Variants in ATG4D observed in about 807,000 individuals in gnomAD.
ATG4D encodes the protein cysteine protease ATG4D.
In ATG4D, 51 loss-of-function variants were observed where a neutral mutation model predicts 55.2. The observed-to-expected ratio is 0.92, with a 90% CI of 0.74 to 1.17. The LOEUF is 1.17. Among genes scored for constraint, ATG4D ranks in the 50% most tolerant of loss-of-function variants. The pLI, the probability that ATG4D is intolerant of heterozygous loss-of-function variation, is 0.00. For synonymous variants in ATG4D, 268 were observed against 266.2 expected, an observed-to-expected ratio of 1.01 and a Z score of -0.07; for missense variants, 635 against 649.6, an observed-to-expected ratio of 0.98 and a Z score of 0.25.
Position 10,547,086 on chromosome 19 carries a change from T to C in ATG4D, c.741T>C (p.Tyr247=). The change falls in exon 4 of 10, where the codon TAT becomes TAC. Residue 247 remains tyrosine (Y), a synonymous_variant. Transcript: ENST00000309469. ...CAGGCAAGAAGGCAGGTGACTGGTA[T>C]GGGCCATCGCTAGTGGCACACATCC... ...QSSGKKAGDW[Y]GPSLVAHILR... 1 of 1,599,244 alleles carries C rather than the reference T, an allele frequency of 6.3e-7. No individual in the cohort carries two copies. The highest frequency in any genetic ancestry group is 8.5e-7 in the Non-Finnish European group (1 of 1,174,028).
At chr19:10,549,184 C>T (rs986480904) in intron 6 of ATG4D, 150 bp downstream of exon 6, 5 of 1,128,026 alleles carry the variant, frequency 4.4e-6, no homozygotes, top group South Asian at 3.4e-5. Flanking sequence ...AGGTCAATAA[C>T]GTGATCTCGG....
chr19:10,553,174 A>G lies in ATG4D; in HGVS notation c.*107A>G. The G allele has an allele frequency of 7.4e-7, 1 of 1,343,120 alleles. No individual in the cohort carries two copies. The highest frequency in any genetic ancestry group is 9.9e-7 in the Non-Finnish European group (1 of 1,006,810). 83.2% of individuals were successfully genotyped at this position (1,343,120 alleles called of 1,614,324 possible). On this transcript the variant is annotated 3_prime_UTR_variant, in exon 10 of 10. Transcript: ENST00000309469. ...AGTGATGATGGTACTTCCTGTTGTC[A>G]GCCCCTCAAGCCCAGCTGCAACCAG...
intron 9 of ATG4D, 122 bp downstream of exon 9, chr19:10,552,446 A>G: frequency 2.3e-6 from 3 of 1,300,722 alleles, no homozygotes; most frequent in Non-Finnish European, 1.0e-6. Flanking sequence ...AGGGGTCCTA[A>G]CCTGGGAAAT....
At chr19:10,551,833 A>C in intron 6 of ATG4D, 64 bp from the exon 7 acceptor site, 2 of 1,500,416 alleles carry the variant, frequency 1.3e-6, no homozygotes, top group Non-Finnish European at 9.2e-7. Context: ...CTCACAGAGG[A>C]GGTGTTTGCC....
intron 5 of ATG4D, among the ~76,000 whole-genome samples, chr19:10,547,671 G>A (rs563302932): frequency 3.6e-5 from 5 of 138,682 alleles, no homozygotes; most frequent in African/African-American, 7.8e-5. Context: ...AGTGGCTCAC[G>A]CCTGTAATCC....
rs1291186575 is a variant in ATG4D at position 10,553,113 on chromosome 19, TTA to T, written c.*48_*49del. 4 of 1,528,342 alleles carry T rather than the reference TTA, an allele frequency of 2.6e-6. No homozygotes were observed. The highest frequency in any genetic ancestry group is 4.6e-5 in the East Asian group (2 of 43,072). 94.7% of individuals were successfully genotyped at this position (1,528,342 alleles called of 1,614,324 possible). A position where few individuals can be genotyped will look rare whatever the true frequency, so the allele number is the denominator to read the frequency against. ...GATACAACACTATTTATTTTTTTAT[TTA>T]TGTCATGTCGGGTGTGGGATCTTGA... On this transcript the variant is annotated 3_prime_UTR_variant, in exon 10 of 10. Transcript: ENST00000309469.
chr19:10,547,273 G>T lies in ATG4D; in HGVS notation c.835+20G>T. On this transcript the variant is annotated intron_variant, in intron 5 of 9. Coordinates refer to ENST00000309469, the MANE Select transcript of ATG4D (RefSeq NM_032885.6). ...GCACAGGTAAGGGGCTGGGAGCCAA[G>T]ATCACAGGGGCCCCACCCTGAGCCA... The T allele has an allele frequency of 6.2e-7, 1 of 1,608,846 alleles. No individual in the cohort carries two copies. Among genetic ancestry groups the T allele is most frequent in the Non-Finnish European group, 8.5e-7 (1 of 1,176,290 alleles).
chr19:10,550,379 C>T (rs1916182545), intron 6 of ATG4D, among the ~76,000 whole-genome samples: 2 of 152,152 alleles, frequency 1.3e-5, no homozygotes, highest in Non-Finnish European at 2.9e-5. Flanking sequence ...TAGAAAAGCG[C>T]CTCTGCAGCC....
chr19:10,545,735 G>A (rs928040783), intron 3 of ATG4D, among the ~76,000 whole-genome samples: 2 of 151,902 alleles, frequency 1.3e-5, no homozygotes, highest in African/African-American at 4.8e-5. Flanking sequence ...AATTAGCTGG[G>A]TGTGGTGGCA....
chr19:10,543,936 T>G lies in ATG4D; in HGVS notation c.-155T>G. The G allele has an allele frequency of 2.3e-6, 1 of 435,430 alleles. No individual in the cohort carries two copies. The highest frequency in any genetic ancestry group is 3.8e-6 in the Non-Finnish European group (1 of 265,888). 27.0% of individuals were successfully genotyped at this position (435,430 alleles called of 1,614,324 possible). ...CCCGCTAAGATGGCGATGGCTGCGG[T>G]AGCAGCGGCGGCGGCTGTTGCCTGG... On this transcript the variant is annotated 5_prime_UTR_variant, in exon 1 of 10. Transcript: ENST00000309469.
chr19:10,545,076 C>A lies in ATG4D; in HGVS notation c.439C>A (p.Arg147Ser). The change falls in exon 3 of 10, where the codon CGC becomes AGC. Residue 147 changes from arginine to serine, a missense_variant. Arg to Ser is a moderately radical substitution (Grantham distance 110). Coordinates refer to ENST00000309469, the MANE Select transcript of ATG4D (RefSeq NM_032885.6). Reference sequence around the variant, plus strand: ...GGACTGTGGCTGGGGGTGCATGTTACGCAGCGGCCAGATGATGCTGGCACA... The same window carrying A: ...GGACTGTGGCTGGGGGTGCATGTTAAGCAGCGGCCAGATGATGCTGGCACA... ...TSDCGWGCML[R>S]SGQMMLAQGL... 2 of 1,612,974 alleles carry A rather than the reference C, an allele frequency of 1.2e-6. No individual in the cohort carries two copies. Among genetic ancestry groups the A allele is most frequent in the East Asian group, 2.2e-5 (1 of 44,894 alleles).
At position 10,552,215 on chromosome 19, in the gene ATG4D, G is replaced by T; in HGVS notation, c.1133G>T (p.Cys378Phe). The T allele has an allele frequency of 6.2e-7, 1 of 1,612,830 alleles. No homozygotes were observed. Reference protein sequence around the residue: ...QADFPLESFHCTSPRKMAFAK... With the variant: ...QADFPLESFHFTSPRKMAFAK... ...GTCTGTCTGCCCCAGTCCTTCCACT[G>T]CACCTCGCCCCGCAAGATGGCCTTT... is the stretch of plus-strand genomic sequence containing the variant. Residue 378 changes from cysteine (C) to phenylalanine (F), a missense_variant, in exon 9 of 10, where the codon TGC becomes TTC. Physicochemically the swap from Cys to Phe is radical, Grantham distance 205. Transcript: ENST00000309469.
At chr19:10,544,401 C>T (rs1212067005) in intron 1 of ATG4D, 76 bp downstream of exon 1, 2 of 1,222,260 alleles carry the variant, frequency 1.6e-6, no homozygotes, top group Non-Finnish European at 1.0e-6. Flanking sequence ...TGCCAGTTAT[C>T]CCACCCTTGT....
intron 6 of ATG4D, chr19:10,551,174 A>G (rs1001487489): frequency 6.6e-6 from 1 of 152,342 alleles, no homozygotes; most frequent in African/African-American, 2.4e-5. Flanking sequence ...ACATGAGATA[A>G]ATCATGTAAT....
intron 2 of ATG4D, 30 bp downstream of exon 2, chr19:10,544,896 G>T: frequency 4.4e-6 from 7 of 1,597,082 alleles, no homozygotes; most frequent in Non-Finnish European, 6.0e-6. Flanking sequence ...CAGGGCTGGG[G>T]GAGGCCTCTC....
In ATG4D at chr19:10,546,910, C is replaced by A; in HGVS notation, c.565C>A (p.His189Asn). Residue 189 changes from histidine to asparagine, a missense_variant, in exon 4 of 10, where the codon CAT (histidine) becomes AAT (asparagine). Physicochemically the swap from His to Asn is moderately conservative, Grantham distance 68. Transcript: ENST00000309469. ...LSGSASPSRY[H>N]GPARWMPPRW... ...AGGGTCAGCCTCTCCCAGCCGGTAC[C>A]ATGGGCCTGCCCGCTGGATGCCCCC... is the stretch of plus-strand genomic sequence containing the variant. 3 of 1,611,990 alleles carry A rather than the reference C, an allele frequency of 1.9e-6. No individual in the cohort carries two copies. The highest frequency in any genetic ancestry group is 2.5e-6 in the Non-Finnish European group (3 of 1,179,418).
intron 5 of ATG4D, among the ~76,000 whole-genome samples, chr19:10,548,354 A>C (rs1916117921): frequency 6.6e-6 from 1 of 151,834 alleles, no homozygotes; most frequent in African/African-American, 2.4e-5. Context: ...TTTTTTATGC[A>C]AAATTGTAGG....
chr19:10,552,189 C>T lies in ATG4D; in HGVS notation c.1123-16C>T, dbSNP rs376707293. ...GGCAGCCCAGCCTCTGAGCCTTCCT[C>T]GTCTGTCTGCCCCAGTCCTTCCACT... On this transcript the variant is annotated splice_polypyrimidine_tract_variant and intron_variant, in intron 8 of 9. Coordinates refer to ENST00000309469, the MANE Select transcript of ATG4D (RefSeq NM_032885.6). 4.9e-5 allele frequency: 79 copies of T among 1,611,360 alleles called. No individual in the cohort carries two copies. The Middle Eastern group carries it at 4.9e-4, about 10-fold the overall frequency.
At chr19:10,547,392 T>C in intron 5 of ATG4D, 139 bp downstream of exon 5, 1 of 1,015,324 alleles carries the variant, frequency 9.8e-7, no homozygotes, top group Non-Finnish European at 1.4e-6. Context: ...GCAAGGCCTG[T>C]GCAGTGGGAG....
Sources: allele counts gnomAD v4.1 joint callset (sites outside exome capture counted in the v4.1 genomes callset), GRCh38; gene constraint gnomAD v4.1.1; transcripts MANE v1.5; gene names NCBI Gene and HGNC (gene_info 2026-07-23, HGNC 2026-07-21).